The following VAT1L variants were observed in gnomAD, a reference collection of about 807,000 sequenced individuals.
VAT1L encodes vesicle amine transport 1 like.
In VAT1L, 34 loss-of-function variants were observed where a neutral mutation model predicts 44.1. The observed-to-expected ratio is 0.77, with a 90% CI of 0.59 to 1.03. VAT1L has a LOEUF of 1.03. VAT1L is among the 50% of genes least tolerant of loss of function. VAT1L has a pLI of 0.00. For synonymous variants in VAT1L, 253 were observed against 202.2 expected (o/e 1.25, Z -2.13); for missense variants, 615 against 538.8 (o/e 1.14, Z -1.40).
rs79713824 is a variant in VAT1L, at chr16:77,973,210, C to G, written c.1161+1277C>G. The stretch of plus-strand genomic sequence containing the variant: ...TACATGACTACTCAGCTTTGATCCC[C>G]TATCGGTAAAGTGGAGATTGATAAG... On this transcript the variant is annotated intron_variant, in intron 8 of 8. Coordinates refer to ENST00000302536, the MANE Select transcript of VAT1L (RefSeq NM_020927.3). Among the ~76,000 whole-genome samples, 775 of 152,312 alleles carry G rather than the reference C, an allele frequency of 5.1e-3. 4 individuals are homozygous for G. The highest frequency in any genetic ancestry group is 0.018 in the African/African-American group (738 of 41,568).
chr16:77,919,815 T>C (rs766862144), intron 7 of VAT1L, among the ~76,000 whole-genome samples: 3 of 152,080 alleles, frequency 2.0e-5, no homozygotes, highest in African/African-American at 4.8e-5. Context: ...TGGCCGGGCG[T>C]GGTAGCTCAC....
chr16:77,892,701 G>A, intron 7 of VAT1L: 2 of 733,300 alleles, frequency 2.7e-6, no homozygotes, highest in Non-Finnish European at 5.1e-6. Context: ...AAGCATATAG[G>A]TCCTGGCATC....
At position 77,817,046 on chromosome 16, in the gene VAT1L, A is replaced by G. The variant is rs1330708048; in HGVS notation, c.359A>G (p.Tyr120Cys). Residue 120 changes from tyrosine (Y) to cysteine (C), a missense_variant, in exon 2 of 9, where the codon TAT becomes TGT. Coordinates refer to ENST00000302536, the MANE Select transcript of VAT1L (RefSeq NM_020927.3). Reference protein sequence around the residue: ...VEALGDSVKGYEIGDRVMAFV... With the variant: ...VEALGDSVKGCEIGDRVMAFV... Reference sequence around the variant, plus strand: ...GCTCTGGGGGACAGCGTGAAAGGATATGAGGTAATGTTTGGCTCTCAATTG... The same window carrying G: ...GCTCTGGGGGACAGCGTGAAAGGATGTGAGGTAATGTTTGGCTCTCAATTG... 3 of 1,613,080 alleles carry G rather than the reference A, an allele frequency of 1.9e-6. No homozygotes were observed. In the South Asian group the frequency reaches 3.3e-5, roughly 18 times the overall value.
intron 3 of VAT1L, among the ~76,000 whole-genome samples, chr16:77,855,259 G>C (rs541500065): frequency 3.3e-5 from 5 of 150,958 alleles, no homozygotes; most frequent in Admixed American, 6.6e-5. Flanking sequence ...AGAATCGCTC[G>C]AACCCGGGAA....
At chr16:77,942,590 C>G (rs1663877103) in intron 7 of VAT1L, among the ~76,000 whole-genome samples, 1 of 152,168 alleles carries the variant, frequency 6.6e-6, no homozygotes, top group Non-Finnish European at 1.5e-5. Context: ...AATCTTGCAT[C>G]CATAGTTGCC....
At chr16:77,828,641 C>A (rs917739153) in intron 3 of VAT1L, among the ~76,000 whole-genome samples, 1 of 151,342 alleles carries the variant, frequency 6.6e-6, no homozygotes, top group Non-Finnish European at 1.5e-5. Context: ...CCAGCCTGGA[C>A]AACAAGAGCA....
intron 1 of VAT1L, among the ~76,000 whole-genome samples, chr16:77,792,214 T>G (rs1185996761): frequency 6.6e-6 from 1 of 152,188 alleles, no homozygotes; most frequent in Non-Finnish European, 1.5e-5. Flanking sequence ...TAAACCAATG[T>G]GATATATGCT....
chr16:77,865,537 A>G lies in VAT1L; in HGVS notation c.722+2647A>G, dbSNP rs115075911. 4.5e-3 allele frequency among the ~76,000 whole-genome samples: 691 copies of G among 152,308 alleles called. 7 individuals carry two copies. The highest frequency in any genetic ancestry group is 0.016 in the African/African-American group (645 of 41,564). ...TCTTAACGGAGGGAGAGGGGACAAA[A>G]AATAAAACTATAAAGAGAAATAACT... On this transcript the variant is annotated intron_variant, in intron 4 of 8. Transcript: ENST00000302536.
intron 7 of VAT1L, among the ~76,000 whole-genome samples, chr16:77,950,461 T>C (rs960647530): frequency 3.4e-5 from 3 of 87,854 alleles, no homozygotes; most frequent in Non-Finnish European, 5.0e-5. Flanking sequence ...CACACAGTTA[T>C]AATGGAGAAA....
intron 7 of VAT1L, among the ~76,000 whole-genome samples, chr16:77,952,855 TAAAAA>T (rs61033802): frequency 4.3e-5 from 4 of 92,206 alleles, no homozygotes; most frequent in African/African-American, 1.1e-4. Flanking sequence ...AGACTCCATT[TAAAAA>T]AAAAAAAAAA....
intron 4 of VAT1L, among the ~76,000 whole-genome samples, chr16:77,875,827 G>A (rs114206850): frequency 0.018 from 2,777 of 152,254 alleles, 81 homozygotes; most frequent in African/African-American, 0.064. Context: ...TGTTTTCACT[G>A]TAAAGGGAGG....
intron 1 of VAT1L, among the ~76,000 whole-genome samples, chr16:77,802,141 G>C (rs1281742839): frequency 1.3e-5 from 2 of 152,194 alleles, no homozygotes; most frequent in Non-Finnish European, 2.9e-5. Flanking sequence ...TCTGTCCTCA[G>C]CCAGCAGCAC....
At position 77,857,022 on chromosome 16, in the gene VAT1L, G is replaced by A. The variant is rs57937698; in HGVS notation, c.580-5726G>A. ...GGATTTAACGAAGCACCTTAGTACA[G>A]TATCTGCCCCATGGTGGGACAAAAG... On this transcript the variant is annotated intron_variant, in intron 3 of 8. Coordinates refer to ENST00000302536, the MANE Select transcript of VAT1L (RefSeq NM_020927.3). Among the ~76,000 whole-genome samples the A allele has an allele frequency of 4.1e-4, 63 of 152,298 alleles. 1 individual carries two copies. In the East Asian group the frequency reaches 0.011, roughly 28 times the overall value.
chr16:77,892,719 T>C, intron 7 of VAT1L: 1 of 737,432 alleles, frequency 1.4e-6, no homozygotes, highest in Non-Finnish European at 2.5e-6. Context: ...ATCTGTTCCA[T>C]GGCAAATACT....
intron 3 of VAT1L, among the ~76,000 whole-genome samples, chr16:77,843,799 G>C (rs2016731250): frequency 6.6e-6 from 1 of 152,168 alleles, no homozygotes. Flanking sequence ...TGCTCACTCA[G>C]GGTCCCTCCC....
rs188146673 is a variant in VAT1L at position 77,868,429 on chromosome 16, T to G, written c.722+5539T>G. On this transcript the variant is annotated intron_variant, in intron 4 of 8. Transcript: ENST00000302536. ...CAGCTGATAGGGAAGTACAGAGCAC[T>G]GTGGGGGCACAGGTGAGCAATGCCT... Among the ~76,000 whole-genome samples, 11 of 152,320 alleles carry G rather than the reference T, an allele frequency of 7.2e-5. No homozygotes were observed. The East Asian group carries it at 2.1e-3, about 29-fold the overall frequency.
chr16:77,943,796 A>G (rs932516034), intron 7 of VAT1L, among the ~76,000 whole-genome samples: 2 of 152,200 alleles, frequency 1.3e-5, no homozygotes, highest in Admixed American at 6.5e-5. Flanking sequence ...TAGGAGCACA[A>G]GAGCATAGGG....
rs572788010 is a variant in VAT1L, at chr16:77,884,811, G to T, written c.1077+9G>T. 26 of 1,460,594 alleles carry T rather than the reference G, an allele frequency of 1.8e-5. 1 individual carries two copies. In the East Asian group the frequency reaches 3.8e-4, roughly 22 times the overall value. The allele number at this position is 1,460,594 out of a possible 1,614,324, so 90.5% of individuals were successfully genotyped here. A position where few individuals can be genotyped will look rare whatever the true frequency, so the allele number is the denominator to read the frequency against. ...TGTGGGCTCTGGAGGAGGTAAGAATGGTGCTTTTCTTCTGCAAATAAACTC... is the reference window on the plus strand; with the variant it reads ...TGTGGGCTCTGGAGGAGGTAAGAATTGTGCTTTTCTTCTGCAAATAAACTC... On this transcript the variant is annotated intron_variant, in intron 7 of 8. Coordinates refer to ENST00000302536, the MANE Select transcript of VAT1L (RefSeq NM_020927.3). This position sits in a 1 kb window ranked among gnomAD's most constrained non-coding sequence, Gnocchi z 4.5.
At chr16:77,909,181 AG>A (rs2017472265) in intron 7 of VAT1L, among the ~76,000 whole-genome samples, 1 of 152,202 alleles carries the variant, frequency 6.6e-6, no homozygotes, top group Admixed American at 6.5e-5. Flanking sequence ...TGAGGCACAG[AG>A]GAGTAAAGTC....
Sources: gnomAD v4.1 joint callset for allele counts (sites outside exome capture counted in the v4.1 genomes callset) on GRCh38, gnomAD v4.1.1 for gene constraint, Gnocchi (gnomAD v3.1) non-coding constraint, MANE v1.5 for transcripts, NCBI Gene and HGNC (gene_info 2026-07-23, HGNC 2026-07-21) for gene names.